PIK3R5: variants seen among roughly 807,000 people sequenced by gnomAD.
The protein encoded by PIK3R5 is phosphoinositide-3-kinase regulatory subunit 5, also known as phosphoinositide 3-kinase regulatory subunit 5.
PIK3R5 carries 32 observed loss-of-function variants against 94.9 expected under a neutral mutation model. That is an observed-to-expected ratio of 0.34 (90% CI 0.25 to 0.45). PIK3R5 has a LOEUF of 0.45. Ranked by LOEUF, PIK3R5 falls within the 20% of genes least tolerant of loss-of-function variation. The pLI, the probability that PIK3R5 is intolerant of heterozygous loss-of-function variation, is 1.00. For synonymous variants in PIK3R5, 443 were observed against 479.4 expected, an observed-to-expected ratio of 0.92 and a Z score of 0.99; for missense variants, 853 against 1,144.6, an observed-to-expected ratio of 0.75 and a Z score of 3.68.
At position 8,914,324 on chromosome 17, in the gene PIK3R5, G is replaced by A. The variant is rs767141394; in HGVS notation, c.-13-2817C>T. ...GTTGACACTGGTATAAACAGACAAG[G>A]GGATCAGGGAGGACTTTTTATTTTC... On this transcript the variant is annotated intron_variant, in intron 1 of 18. Coordinates refer to ENST00000447110, the MANE Select transcript of PIK3R5 (RefSeq NM_001142633.3). 6.6e-4 allele frequency among the ~76,000 whole-genome samples: 101 copies of A among 152,212 alleles called. 1 individual carries two copies. The highest frequency in any genetic ancestry group is 5.6e-4 in the Non-Finnish European group (38 of 68,032).
In PIK3R5 at chr17:8,906,083, C is replaced by T. The variant is rs9911647; in HGVS notation, c.205-346G>A. ...ATACATGTGCCATGGTGGTTTGCTGCACCCATCAACCTGTCATCTAGGTTT... is the reference window on the plus strand; with the variant it reads ...ATACATGTGCCATGGTGGTTTGCTGTACCCATCAACCTGTCATCTAGGTTT... On this transcript the variant is annotated intron_variant, in intron 3 of 18. Coordinates refer to ENST00000447110, the MANE Select transcript of PIK3R5 (RefSeq NM_001142633.3). Among the ~76,000 whole-genome samples the T allele has an allele frequency of 5.7e-3, 861 of 152,226 alleles. 11 individuals are homozygous for T. Among genetic ancestry groups the T allele is most frequent in the African/African-American group, 0.02 (817 of 41,532 alleles).
chr17:8,956,122 C>T (rs1439976288), intron 1 of PIK3R5, among the ~76,000 whole-genome samples: 1 of 151,900 alleles, frequency 6.6e-6, no homozygotes, highest in Non-Finnish European at 1.5e-5. Flanking sequence ...GATCGTGCCA[C>T]TGTACTCCAG....
chr17:8,888,239 C>G lies in PIK3R5; in HGVS notation c.1548G>C (p.Thr516=). ...CGGAGCCAAAGACCACAACACGTAG[C>G]GTGGAAGCCTTGGGATCCTCATCTC... ...LSGDEDPKAS[T]LRVVVFGSDR... is the part of the protein sequence containing the mutation. Residue 516 remains threonine (T), a synonymous_variant, in exon 10 of 19, where the codon ACG becomes ACC. Coordinates refer to ENST00000447110, the MANE Select transcript of PIK3R5 (RefSeq NM_001142633.3). The surrounding 1 kb of genome is among the most constrained non-coding windows in gnomAD (Gnocchi z 7.8). 1 of 1,613,452 alleles carries G rather than the reference C, an allele frequency of 6.2e-7. No homozygotes were observed. The highest frequency in any genetic ancestry group is 8.5e-7 in the Non-Finnish European group (1 of 1,179,958).
At chr17:8,915,251 T>C (rs1597399640) in intron 1 of PIK3R5, among the ~76,000 whole-genome samples, 1 of 151,838 alleles carries the variant, frequency 6.6e-6, no homozygotes, top group Non-Finnish European at 1.5e-5. Context: ...GGGGAAACCC[T>C]GTCTCTACTA....
At chr17:8,883,612 G>C (rs1274538771) in intron 15 of PIK3R5, among the ~76,000 whole-genome samples, 10 of 152,168 alleles carry the variant, frequency 6.6e-5, no homozygotes, top group Admixed American at 6.5e-4. Flanking sequence ...ATTAATTCCT[G>C]GTTTTCCCTC....
chr17:8,954,494 G>C (rs544824167), intron 1 of PIK3R5, among the ~76,000 whole-genome samples: 2 of 152,196 alleles, frequency 1.3e-5, no homozygotes, highest in Non-Finnish European at 2.9e-5. Flanking sequence ...TGTAAACACC[G>C]TGTTGCAAAC....
chr17:8,933,967 A>G (rs1036134172), intron 1 of PIK3R5, among the ~76,000 whole-genome samples: 1 of 152,246 alleles, frequency 6.6e-6, no homozygotes, highest in South Asian at 2.1e-4. Context: ...AAGAGCATCT[A>G]TGAAAAATCT....
At chr17:8,929,640 C>A (rs1334002156) in intron 1 of PIK3R5, among the ~76,000 whole-genome samples, 1 of 152,162 alleles carries the variant, frequency 6.6e-6, no homozygotes, top group Non-Finnish European at 1.5e-5. Context: ...AAAAAGAGAA[C>A]AAAATCATGT....
Position 8,960,178 on chromosome 17 carries a change from T to C in PIK3R5, c.-14+5418A>G, listed in dbSNP as rs1402011223. Among the ~76,000 whole-genome samples the C allele has an allele frequency of 3.3e-5, 5 of 152,278 alleles. No individual in the cohort carries two copies. In the East Asian group the frequency reaches 7.7e-4, roughly 23 times the overall value. On this transcript the variant is annotated intron_variant, in intron 1 of 18. Coordinates refer to ENST00000447110, the MANE Select transcript of PIK3R5 (RefSeq NM_001142633.3). ...AGAGGGAGCCCACATACCCCACACA[T>C]GAGATGTTGAAAAGAATGCTGGAGA...
rs758378649 is a variant in PIK3R5, at chr17:8,886,469, G to C, written c.2034+8C>G. 27 of 1,599,970 alleles carry C rather than the reference G, an allele frequency of 1.7e-5. No individual in the cohort carries two copies. The highest frequency in any genetic ancestry group is 2.2e-5 in the Non-Finnish European group (26 of 1,172,312). ...GGGAAGAGGCGGTTCGGGGCAGGGA[G>C]GCCTTACCTCGGTCTGATAGACTTG... On this transcript the variant is annotated splice_region_variant and intron_variant, in intron 13 of 18. Coordinates refer to ENST00000447110, the MANE Select transcript of PIK3R5 (RefSeq NM_001142633.3).
chr17:8,909,239 T>G lies in PIK3R5; in HGVS notation c.104-65A>C, dbSNP rs895958847. Reference sequence around the variant, plus strand: ...CTTCCAGTCACACTCAGGCAGGGGCTGTAAAGAAGGGGCATTTATGCTGGA... The same window carrying G: ...CTTCCAGTCACACTCAGGCAGGGGCGGTAAAGAAGGGGCATTTATGCTGGA... On this transcript the variant is annotated intron_variant, in intron 2 of 18. Transcript: ENST00000447110. The surrounding 1 kb of genome is among the most constrained non-coding windows in gnomAD (Gnocchi z 4.3). 1.3e-5 allele frequency: 12 copies of G among 948,034 alleles called. No homozygotes were observed. The highest frequency in any genetic ancestry group is 9.8e-5 in the African/African-American group (6 of 61,510). The allele number at this position is 948,034 out of a possible 1,614,324, so 58.7% of individuals were successfully genotyped here.
chr17:8,915,774 A>G (rs1439070106), intron 1 of PIK3R5: 2 of 152,322 alleles, frequency 1.3e-5, no homozygotes, highest in Non-Finnish European at 2.9e-5. Flanking sequence ...GGATGCAAAC[A>G]CAAGATGCAA....
At chr17:8,938,015 T>C (rs1208085295) in intron 1 of PIK3R5, among the ~76,000 whole-genome samples, 1 of 152,196 alleles carries the variant, frequency 6.6e-6, no homozygotes, top group Non-Finnish European at 1.5e-5. Flanking sequence ...TTCACCATGT[T>C]GGCCAGGCTG....
At chr17:8,942,668 C>T (rs138603998) in intron 1 of PIK3R5, among the ~76,000 whole-genome samples, 6,608 of 151,702 alleles carry the variant, frequency 0.044, 200 homozygotes, top group Non-Finnish European at 0.063. Flanking sequence ...TGCAGTGGTG[C>T]GATCTCTGCT....
intron 1 of PIK3R5, among the ~76,000 whole-genome samples, chr17:8,950,954 A>G (rs1316413124): frequency 1.3e-5 from 2 of 152,164 alleles, no homozygotes; most frequent in Non-Finnish European, 2.9e-5. Context: ...CAGCCTCGCC[A>G]GCATCTGTTG....
At position 8,889,895 on chromosome 17, in the gene PIK3R5, C is replaced by A; in HGVS notation, c.811+78G>T. On this transcript the variant is annotated intron_variant, in intron 8 of 18. Coordinates refer to ENST00000447110, the MANE Select transcript of PIK3R5 (RefSeq NM_001142633.3). The surrounding 1 kb of genome is among the most constrained non-coding windows in gnomAD (Gnocchi z 4.1). ...ACTGTGTGGAGCAGAGCCACCAGGC[C>A]CGCCTGGACCGTGCACCTTGGGACC... 4 of 1,505,424 alleles carry A rather than the reference C, an allele frequency of 2.7e-6. No individual in the cohort carries two copies. Among genetic ancestry groups the A allele is most frequent in the Non-Finnish European group, 2.8e-6 (3 of 1,090,510 alleles). The allele number at this position is 1,505,424 out of a possible 1,614,324, so 93.3% of individuals were successfully genotyped here.
At chr17:8,921,234 C>T (rs576212553) in intron 1 of PIK3R5, among the ~76,000 whole-genome samples, 53 of 152,190 alleles carry the variant, frequency 3.5e-4, no homozygotes, top group Non-Finnish European at 5.9e-4. Flanking sequence ...TATTTTTGGA[C>T]AGTGGCTTTA....
rs1338476890 is a variant in PIK3R5, at chr17:8,925,981, G to C, written c.-13-14474C>G. The stretch of plus-strand genomic sequence containing the variant: ...TTCACATGGTGCTGTGGTCACTGAG[G>C]CTGTGAACCATGTGAAGCGAGAAGA... On this transcript the variant is annotated intron_variant, in intron 1 of 18. Transcript: ENST00000447110. This position sits in a 1 kb window ranked among gnomAD's most constrained non-coding sequence, Gnocchi z 5.1. 6.6e-6 allele frequency among the ~76,000 whole-genome samples: 1 copy of C among 152,192 alleles called. No individual in the cohort carries two copies. The highest frequency in any genetic ancestry group is 1.5e-5 in the Non-Finnish European group (1 of 68,028).
At chr17:8,946,484 C>T (rs573293372) in intron 1 of PIK3R5, among the ~76,000 whole-genome samples, 42 of 151,748 alleles carry the variant, frequency 2.8e-4, no homozygotes, top group African/African-American at 9.9e-4. Context: ...CAGCACCATC[C>T]ATAAGGCATC....
Sources: allele counts gnomAD v4.1 joint callset (sites outside exome capture counted in the v4.1 genomes callset), GRCh38; gene constraint gnomAD v4.1.1; non-coding constraint Gnocchi (gnomAD v3.1); transcripts MANE v1.5; gene names NCBI Gene and HGNC (gene_info 2026-07-23, HGNC 2026-07-21).